Variants in ZFHX3 observed in about 807,000 individuals in gnomAD.
The protein encoded by ZFHX3 is zinc finger homeobox protein 3.
ZFHX3 carries 42 observed loss-of-function variants against 279.1 expected under a neutral mutation model. The observed-to-expected ratio is 0.15, with a 90% CI of 0.12 to 0.19. The LOEUF is 0.19. Among genes scored for constraint, ZFHX3 ranks in the 10% least tolerant of loss-of-function variants. The pLI is 1.00. For missense variants in ZFHX3, 4,981 were observed against 4,754.0 expected (o/e 1.05, Z -1.40); for synonymous variants, 2,293 against 1,957.8 (o/e 1.17, Z -4.52).
chr16:72,958,279 C>T lies in ZFHX3; in HGVS notation c.1867G>A (p.Ala623Thr), dbSNP rs777152835. Residue 623 changes from alanine to threonine, a missense_variant, in exon 2 of 10, where the codon GCT becomes ACT. Physicochemically the swap from Ala to Thr is moderately conservative, Grantham distance 58. Transcript: ENST00000268489. ...ACCCCAAGCTCGCAGAGGGAGCCAG[C>T]GTGCTGGTGATGGGGAACGAAGCCC... ...DGGFVPHHQH[A>T]GSLCELGVGE... 51 of 1,613,904 alleles carry T rather than the reference C, an allele frequency of 3.2e-5. No homozygotes were observed. The highest frequency in any genetic ancestry group is 4.5e-5 in the East Asian group (2 of 44,866).
chr16:72,835,736 G>A (rs1294964590), intron 4 of ZFHX3, among the ~76,000 whole-genome samples: 3 of 152,130 alleles, frequency 2.0e-5, no homozygotes, highest in East Asian at 1.9e-4. Flanking sequence ...CCTCGCTCTC[G>A]TTCCTCTAAC....
Position 73,514,030 on chromosome 16 carries a change from C to A in ZFHX3, c.-1546-57772G>T, listed in dbSNP as rs191205978. Among the ~76,000 whole-genome samples the A allele has an allele frequency of 2.8e-3, 427 of 152,216 alleles. 4 individuals carry two copies. Among genetic ancestry groups the A allele is most frequent in the Middle Eastern group, 0.01 (3 of 294 alleles). ...TTGGGAGGCCAAGGCAGTCAGATCC[C>A]AATGTGGGGAGATCAAGACCTTCCT... On this transcript the variant is annotated intron_variant, in intron 2 of 17. Transcript: ENST00000641206.
intron 6 of ZFHX3, chr16:73,134,504 AT>A (rs746287782): frequency 3.5e-3 from 492 of 139,014 alleles, no homozygotes; most frequent in East Asian, 5.9e-3. Context: ...CTAACTAAAC[AT>A]TTTTTTTTTT....
At chr16:73,273,221 G>T (rs1459999919) in intron 4 of ZFHX3, among the ~76,000 whole-genome samples, 1 of 152,004 alleles carries the variant, frequency 6.6e-6, no homozygotes, top group Non-Finnish European at 1.5e-5. Context: ...ATAGCAATAA[G>T]ACTTCTAACA....
intron 1 of ZFHX3, among the ~76,000 whole-genome samples, chr16:72,995,440 A>G (rs1376601581): frequency 2.0e-5 from 3 of 152,214 alleles, no homozygotes; most frequent in Non-Finnish European, 4.4e-5. Flanking sequence ...AGTAATTTAA[A>G]TAACTTCCAG....
At chr16:73,466,630 C>T (rs1055186494) in intron 2 of ZFHX3, among the ~76,000 whole-genome samples, 6 of 152,078 alleles carry the variant, frequency 3.9e-5, no homozygotes, top group East Asian at 1.9e-4. Context: ...AGGGTGGGTG[C>T]GGGGATAAAA....
intron 1 of ZFHX3, among the ~76,000 whole-genome samples, chr16:73,820,418 T>C (rs1647308414): frequency 6.6e-6 from 1 of 152,118 alleles, no homozygotes; most frequent in African/African-American, 2.4e-5. Flanking sequence ...CCCTCTTTCT[T>C]GGAATGTCTG....
At chr16:73,698,410 G>C (rs2127740) in intron 1 of ZFHX3, among the ~76,000 whole-genome samples, 2 of 152,008 alleles carry the variant, frequency 1.3e-5, no homozygotes, top group Non-Finnish European at 2.9e-5. Context: ...TGCTAATATC[G>C]GTGGGTGAAC....
intron 3 of ZFHX3, among the ~76,000 whole-genome samples, chr16:73,326,763 G>T (rs542837075): frequency 8.2e-4 from 125 of 152,210 alleles, no homozygotes; most frequent in Middle Eastern, 3.4e-3. Flanking sequence ...TGAATTTTAC[G>T]GTAAGTGAAT....
At chr16:73,311,705 G>C (rs904506758) in intron 4 of ZFHX3, among the ~76,000 whole-genome samples, 1 of 151,432 alleles carries the variant, frequency 6.6e-6, no homozygotes, top group Admixed American at 6.6e-5. Context: ...TCTGAAATAC[G>C]ATAAGCATGA....
At chr16:73,879,382 A>C (rs2030068154) in intron 1 of ZFHX3, among the ~76,000 whole-genome samples, 1 of 151,758 alleles carries the variant, frequency 6.6e-6, no homozygotes, top group Non-Finnish European at 1.5e-5. Flanking sequence ...TGGAGAATCT[A>C]AGGTCCCTTT....
chr16:73,414,391 C>T (rs1476082996), intron 3 of ZFHX3, among the ~76,000 whole-genome samples: 1 of 152,260 alleles, frequency 6.6e-6, no homozygotes, highest in Admixed American at 6.5e-5. Context: ...TTGTCCCTGT[C>T]TGTAAAGAAC....
At chr16:73,863,357 T>G (rs1961931355) in intron 1 of ZFHX3, among the ~76,000 whole-genome samples, 1 of 151,920 alleles carries the variant, frequency 6.6e-6, no homozygotes, top group South Asian at 2.1e-4. Context: ...AGATGGAGGG[T>G]GATCCAGAAG....
At chr16:73,688,443 T>C (rs2053114296) in intron 1 of ZFHX3, among the ~76,000 whole-genome samples, 1 of 151,710 alleles carries the variant, frequency 6.6e-6, no homozygotes, top group African/African-American at 2.4e-5. Context: ...GATTAGGTCA[T>C]GAGGGACACC....
At chr16:73,807,981 C>T (rs527601066) in intron 1 of ZFHX3, among the ~76,000 whole-genome samples, 3 of 152,168 alleles carry the variant, frequency 2.0e-5, no homozygotes, top group South Asian at 2.1e-4. Flanking sequence ...TGCTTCAAAT[C>T]GCATACCTAC....
chr16:73,007,753 CT>C lies in ZFHX3; in HGVS notation c.-50+39998del, dbSNP rs905378776. Among the ~76,000 whole-genome samples the C allele has an allele frequency of 1.4e-4, 21 of 151,414 alleles. No individual in the cohort carries two copies. In the South Asian group the frequency reaches 3.6e-3, roughly 26 times the overall value. Reference sequence around the variant, plus strand: ...CGTGAGCCACCGCGCAAGGCCAGAACTTTTTTTTTAATGCTCAGCTTCTTCC... The same window carrying C: ...CGTGAGCCACCGCGCAAGGCCAGAACTTTTTTTTAATGCTCAGCTTCTTCC... On this transcript the variant is annotated intron_variant, in intron 1 of 9. Coordinates refer to ENST00000268489, the MANE Select transcript of ZFHX3 (RefSeq NM_006885.4).
intron 1 of ZFHX3, chr16:73,014,544 T>TTTTTTTTTTGTTG (rs1414520446): frequency 7.0e-6 from 1 of 143,392 alleles, no homozygotes; most frequent in African/African-American, 2.6e-5. Flanking sequence ...TTTTTTTTTT[T>TTTTTTTTTTGTTG]TTGAGACACA....
intron 5 of ZFHX3, among the ~76,000 whole-genome samples, chr16:73,253,123 C>G (rs2013559152): frequency 6.6e-6 from 1 of 152,158 alleles, no homozygotes; most frequent in Admixed American, 6.5e-5. Flanking sequence ...ACCCTCAACC[C>G]CATGGGACTC....
At chr16:73,738,616 T>C (rs1002263976) in intron 1 of ZFHX3, among the ~76,000 whole-genome samples, 22 of 152,232 alleles carry the variant, frequency 1.4e-4, no homozygotes, top group African/African-American at 5.1e-4. Flanking sequence ...TATTCTTTTA[T>C]GCTAGAGTTC....
Sources: allele counts gnomAD v4.1 joint callset (sites outside exome capture counted in the v4.1 genomes callset), GRCh38; gene constraint gnomAD v4.1.1; transcripts MANE v1.5; gene names NCBI Gene and HGNC (gene_info 2026-07-23, HGNC 2026-07-21).